The following EPHA6 variants were observed in gnomAD, a reference collection of about 807,000 sequenced individuals.
EPHA6 encodes the protein ephrin type-A receptor 6.
In EPHA6, 50 loss-of-function variants were observed where a neutral mutation model predicts 112.0. The ratio of observed to expected loss-of-function variants is 0.45; its 90% confidence interval spans 0.36 to 0.56. The LOEUF (loss-of-function observed/expected upper bound fraction) is 0.56, where lower values mean the gene tolerates loss of function less well. Ranked by LOEUF, EPHA6 falls within the 20% of genes least tolerant of loss-of-function variation. The pLI is 0.00. For synonymous variants in EPHA6, 529 were observed against 490.7 expected (o/e 1.08, Z -1.03); for missense variants, 1,280 against 1,417.4 (o/e 0.90, Z 1.56).
chr3:97,451,351 A>G (rs949841849), intron 7 of EPHA6, among the ~76,000 whole-genome samples: 1 of 151,882 alleles, frequency 6.6e-6, no homozygotes, highest in South Asian at 2.1e-4. Flanking sequence ...ATACCTAGTG[A>G]TTGGGGGTGC....
At chr3:97,605,220 C>G (rs1181212723) in intron 12 of EPHA6, among the ~76,000 whole-genome samples, 1 of 150,922 alleles carries the variant, frequency 6.6e-6, no homozygotes. Flanking sequence ...GTAGAGATAA[C>G]AAGAAGGCAG....
chr3:97,211,469 A>T (rs2077873152), intron 3 of EPHA6, among the ~76,000 whole-genome samples: 1 of 152,184 alleles, frequency 6.6e-6, no homozygotes, highest in Non-Finnish European at 1.5e-5. Flanking sequence ...CTCACAGTTC[A>T]TAAGGCTGAA....
intron 14 of EPHA6, among the ~76,000 whole-genome samples, chr3:97,642,111 TCCA>T (rs1276817621): frequency 7.2e-6 from 1 of 138,846 alleles, no homozygotes; most frequent in Non-Finnish European, 1.6e-5. Flanking sequence ...GCAGACTGCC[TCCA>T]CAAGTGGGTA....
intron 5 of EPHA6, among the ~76,000 whole-genome samples, chr3:97,333,378 G>T (rs1356755409): frequency 6.8e-6 from 1 of 148,138 alleles, no homozygotes; most frequent in African/African-American, 2.5e-5. Context: ...TTTGTGTTTT[G>T]TATATCCCTT....
chr3:96,973,073 T>A (rs1381307137), intron 2 of EPHA6, among the ~76,000 whole-genome samples: 1 of 152,186 alleles, frequency 6.6e-6, no homozygotes, highest in Non-Finnish European at 1.5e-5. Context: ...AAGAATTAAT[T>A]TCCTTGTTCT....
intron 3 of EPHA6, among the ~76,000 whole-genome samples, chr3:97,223,645 G>C (rs974584800): frequency 6.6e-6 from 1 of 152,182 alleles, no homozygotes; most frequent in Non-Finnish European, 1.5e-5. Flanking sequence ...GCCAATGGAA[G>C]GCTCTAAGTC....
At chr3:97,071,386 A>T (rs1273841148) in intron 3 of EPHA6, among the ~76,000 whole-genome samples, 1 of 151,964 alleles carries the variant, frequency 6.6e-6, no homozygotes, top group African/African-American at 2.4e-5. Context: ...GTCCGTTTTT[A>T]TGCTGCTGAT....
At chr3:97,273,799 T>C (rs1390839433) in intron 5 of EPHA6, among the ~76,000 whole-genome samples, 1 of 152,214 alleles carries the variant, frequency 6.6e-6, no homozygotes, top group Non-Finnish European at 1.5e-5. Flanking sequence ...GAATTATGTC[T>C]GACAGAAGGG....
intron 2 of EPHA6, among the ~76,000 whole-genome samples, chr3:96,915,863 G>A (rs183461100): frequency 7.9e-5 from 12 of 152,122 alleles, no homozygotes; most frequent in Admixed American, 3.3e-4. Context: ...TTTTATGCCA[G>A]TTTTATACAT....
At chr3:97,132,942 T>A (rs1255862187) in intron 3 of EPHA6, among the ~76,000 whole-genome samples, 1 of 152,072 alleles carries the variant, frequency 6.6e-6, no homozygotes, top group Non-Finnish European at 1.5e-5. Flanking sequence ...TATTGAACTC[T>A]AGCCACTCAA....
rs148310422 is a variant in EPHA6, at chr3:97,757,780, A to G, written c.*9079A>G. ...GATCTCTAAATGCTTACATTCTTTCAAGAAGATTGCCTTCTCTTTCCAGTT... is the reference window on the plus strand; with the variant it reads ...GATCTCTAAATGCTTACATTCTTTCGAGAAGATTGCCTTCTCTTTCCAGTT... On this transcript the variant is annotated 3_prime_UTR_variant, in exon 18 of 18. Transcript: ENST00000389672. Among the ~76,000 whole-genome samples, 628 of 151,926 alleles carry G rather than the reference A, an allele frequency of 4.1e-3. 7 individuals are homozygous for G. The highest frequency in any genetic ancestry group is 0.015 in the African/African-American group (606 of 41,538).
chr3:97,187,606 A>G (rs1386473769), intron 3 of EPHA6, among the ~76,000 whole-genome samples: 1 of 148,584 alleles, frequency 6.7e-6, no homozygotes, highest in East Asian at 2.0e-4. Flanking sequence ...AAGAAAAGAG[A>G]AAGAAAGAAA....
chr3:97,636,776 G>A (rs1425775469), intron 13 of EPHA6, among the ~76,000 whole-genome samples: 1 of 151,864 alleles, frequency 6.6e-6, no homozygotes. Flanking sequence ...AAATTTATAA[G>A]TTTCTCTTAT....
intron 10 of EPHA6, among the ~76,000 whole-genome samples, chr3:97,487,004 TC>T (rs1411972047): frequency 1.8e-4 from 28 of 152,304 alleles, no homozygotes. Flanking sequence ...TGTTAGGTAG[TC>T]CCCTTGGAAA....
intron 5 of EPHA6, among the ~76,000 whole-genome samples, chr3:97,305,874 T>C (rs1052797428): frequency 2.7e-5 from 4 of 150,008 alleles, no homozygotes; most frequent in African/African-American, 9.7e-5. Context: ...AACTTAAAAT[T>C]AAATTAAATT....
intron 2 of EPHA6, among the ~76,000 whole-genome samples, chr3:96,888,085 C>A (rs550704219): frequency 6.6e-6 from 1 of 152,094 alleles, no homozygotes; most frequent in Non-Finnish European, 1.5e-5. Flanking sequence ...CGGATTTGCA[C>A]CCTCCCCCAA....
chr3:97,581,791 C>A lies in EPHA6; in HGVS notation c.2387-10821C>A, dbSNP rs188900742. On this transcript the variant is annotated intron_variant, in intron 11 of 17. Coordinates refer to ENST00000389672, the MANE Select transcript of EPHA6 (RefSeq NM_001080448.3). The stretch of plus-strand genomic sequence containing the variant: ...CTTCCCATTGCAGCTTTGCTGCCTC[C>A]TGAGGGAGCACAGATGAGGGCAAGA... Among the ~76,000 whole-genome samples the A allele has an allele frequency of 3.2e-3, 494 of 152,306 alleles. 2 individuals are homozygous for A. The highest frequency in any genetic ancestry group is 0.011 in the African/African-American group (460 of 41,564).
chr3:96,837,648 C>G (rs578084096), intron 1 of EPHA6, among the ~76,000 whole-genome samples: 1 of 152,102 alleles, frequency 6.6e-6, no homozygotes. Flanking sequence ...AGTACGATGT[C>G]TTTAATACCT....
intron 2 of EPHA6, among the ~76,000 whole-genome samples, chr3:96,895,985 G>T (rs1027734973): frequency 6.6e-6 from 1 of 152,128 alleles, no homozygotes; most frequent in Non-Finnish European, 1.5e-5. Flanking sequence ...GCCTATGTGT[G>T]AAGTAGGCTT....
Sources: allele counts gnomAD v4.1 joint callset (sites outside exome capture counted in the v4.1 genomes callset), GRCh38; gene constraint gnomAD v4.1.1; transcripts MANE v1.5; gene names NCBI Gene and HGNC (gene_info 2026-07-23, HGNC 2026-07-21).